PFKFB3: variants seen among roughly 807,000 people sequenced by gnomAD.
PFKFB3 encodes 6-phosphofructo-2-kinase/fructose-2,6-biphosphatase 3.
Under a neutral mutation model 68.0 loss-of-function variants are expected in PFKFB3, and 33 were observed. That is an observed-to-expected ratio of 0.49 (90% CI 0.37 to 0.65). PFKFB3 has a LOEUF of 0.65. Among genes scored for constraint, PFKFB3 ranks in the 30% least tolerant of loss-of-function variants. The pLI, the probability that PFKFB3 is intolerant of heterozygous loss-of-function variation, is 0.00. For synonymous variants in PFKFB3, 315 were observed against 288.2 expected, an observed-to-expected ratio of 1.09 and a Z score of -0.94; for missense variants, 586 against 712.2, an observed-to-expected ratio of 0.82 and a Z score of 2.02.
At chr10:6,294,379 A>G in the PFKFB3 span, 141 of 320,426 alleles carry the variant, frequency 4.4e-4, no homozygotes, top group Admixed American at 9.0e-4. Context: ...CCTCACAGTC[A>G]TGGTGGAAGG....
chr10:6,186,951 C>T (rs1037988567), intron 1 of PFKFB3, among the ~76,000 whole-genome samples: 1 of 152,178 alleles, frequency 6.6e-6, no homozygotes, highest in African/African-American at 2.4e-5. Context: ...GGCAGTTGCC[C>T]AGCTCAGAGG....
intron 1 of PFKFB3, among the ~76,000 whole-genome samples, chr10:6,180,102 G>A (rs1189263554): frequency 6.6e-6 from 1 of 152,138 alleles, no homozygotes; most frequent in Non-Finnish European, 1.5e-5. Context: ...CAGCACTTTG[G>A]GAGGCCAAGG....
chr10:6,254,808 CTTT>C (rs144888417), downstream of PFKFB3, among the ~76,000 whole-genome samples: 2 of 61,636 alleles, frequency 3.2e-5, no homozygotes, highest in South Asian at 6.1e-4. Flanking sequence ...TTTTTCTGTT[CTTT>C]TTTTTTTTTT....
At chr10:6,208,379 T>TTTTTTTTTTTTTTTTTTTTG (rs1843937553) in intron 1 of PFKFB3, among the ~76,000 whole-genome samples, 1 of 139,350 alleles carries the variant, frequency 7.2e-6, no homozygotes. Flanking sequence ...GCCTTTTTTT[T>TTTTTTTTTTTTTTTTTTTTG]TTTTTTTTTT....
Position 6,180,556 on chromosome 10 carries a change from C to T in PFKFB3, c.17-33067C>T, listed in dbSNP as rs144642036. On this transcript the variant is annotated intron_variant, in intron 1 of 14. Transcript: ENST00000379789. ...CGTGGCTCACTGCAGCCTCAAACTC[C>T]TGGGCTCAAACAATCCTCTTGTGTC... 1.9e-3 allele frequency among the ~76,000 whole-genome samples: 283 copies of T among 152,274 alleles called. 2 individuals are homozygous for T. In the Middle Eastern group the frequency reaches 0.044, roughly 24 times the overall value.
At chr10:6,241,358 A>T (rs1846137153) in intron 14 of PFKFB3, among the ~76,000 whole-genome samples, 1 of 152,058 alleles carries the variant, frequency 6.6e-6, no homozygotes, top group Non-Finnish European at 1.5e-5. Context: ...CCTTCTGGGG[A>T]TGTTAACTTT....
intron 1 of PFKFB3, among the ~76,000 whole-genome samples, chr10:6,188,986 C>T (rs1842951946): frequency 1.3e-5 from 2 of 152,176 alleles, no homozygotes; most frequent in South Asian, 4.2e-4. Flanking sequence ...AGGCGCCCGC[C>T]ACCTTGCCCG....
chr10:6,276,535 T>C, the PFKFB3 span, among the ~76,000 whole-genome samples: 14 of 152,234 alleles, frequency 9.2e-5, no homozygotes, highest in Non-Finnish European at 1.8e-4. Context: ...ATAACTCCAA[T>C]TTGGGGTCGG....
the PFKFB3 span, among the ~76,000 whole-genome samples, chr10:6,262,378 CT>C: frequency 0.63 from 85,786 of 135,298 alleles, 25,774 homozygotes; most frequent in Non-Finnish European, 0.71. Context: ...GGCGTGAACC[CT>C]GGGGGGCGGA....
In PFKFB3 at chr10:6,233,034, T is replaced by C. The variant is rs561001045; in HGVS notation, c.*92T>C. 10 of 997,494 alleles carry C rather than the reference T, an allele frequency of 1.0e-5. No homozygotes were observed. The highest frequency in any genetic ancestry group is 3.4e-5 in the Admixed American group (2 of 58,426). 61.8% of individuals were successfully genotyped at this position (997,494 alleles called of 1,614,324 possible). A position where few individuals can be genotyped will look rare whatever the true frequency, so the allele number is the denominator to read the frequency against. ...AGGCAAAACGTATCCTGAGGACTTCTTCCGGAGAGGGTGGGGTGGAGCAGC... is the reference window on the plus strand; with the variant it reads ...AGGCAAAACGTATCCTGAGGACTTCCTCCGGAGAGGGTGGGGTGGAGCAGC... On this transcript the variant is annotated 3_prime_UTR_variant, in exon 15 of 15. Coordinates refer to ENST00000379775, the MANE Select transcript of PFKFB3 (RefSeq NM_004566.4).
In PFKFB3 at chr10:6,221,713, G is replaced by C; in HGVS notation, c.1051G>C (p.Asp351His). 1.2e-6 allele frequency: 2 copies of C among 1,607,616 alleles called. No homozygotes were observed. Among genetic ancestry groups the C allele is most frequent in the Non-Finnish European group, 1.7e-6 (2 of 1,177,838 alleles). ...TGAGGAGTATGCGCTGCGGGAGCAG[G>C]ACAAGTACTATTACCGCTACCCCAC... Reference protein sequence around the residue: ...YPEEYALREQDKYYYRYPTGE... With the variant: ...YPEEYALREQHKYYYRYPTGE... Residue 351 changes from aspartate (D) to histidine (H), a missense_variant, in exon 10 of 15, where the codon GAC (aspartate) becomes CAC (histidine). Asp to His is a moderately conservative substitution (Grantham distance 81). Coordinates refer to ENST00000379775, the MANE Select transcript of PFKFB3 (RefSeq NM_004566.4).
chr10:6,201,754 T>C (rs1843368512), upstream of PFKFB3, among the ~76,000 whole-genome samples: 1 of 151,672 alleles, frequency 6.6e-6, no homozygotes, highest in Non-Finnish European at 1.5e-5. The surrounding 1 kb of genome is among the most constrained non-coding windows in gnomAD (Gnocchi z 4.1). Flanking sequence ...AGTGTGCACC[T>C]CTCTGCAAGG....
chr10:6,179,754 G>GC lies in PFKFB3; in HGVS notation c.17-33868dup, dbSNP rs35125278. Among the ~76,000 whole-genome samples the GC allele has an allele frequency of 1.4e-4, 21 of 151,476 alleles. No homozygotes were observed. In the East Asian group the frequency reaches 4.1e-3, roughly 29 times the overall value. ...GAAGGGGACCCTGTTTTCTGAGCAT[G>GC]CAGACGCCAGGATTATAGGACATTC... On this transcript the variant is annotated intron_variant, in intron 1 of 14. Transcript: ENST00000379789.
rs1049277225 is a variant in PFKFB3 at position 6,220,177 on chromosome 10, C to T, written c.624-481C>T. On this transcript the variant is annotated intron_variant, in intron 7 of 14. Coordinates refer to ENST00000379775, the MANE Select transcript of PFKFB3 (RefSeq NM_004566.4). The surrounding 1 kb of genome is among the most constrained non-coding windows in gnomAD (Gnocchi z 4.1). ...AGTGCAGTGGCATGATCATAGCTCACTGCAGGTTCAAACTTCTGGGCTCAA... is the reference window on the plus strand; with the variant it reads ...AGTGCAGTGGCATGATCATAGCTCATTGCAGGTTCAAACTTCTGGGCTCAA... Among the ~76,000 whole-genome samples, 5 of 151,886 alleles carry T rather than the reference C, an allele frequency of 3.3e-5. No individual in the cohort carries two copies. The highest frequency in any genetic ancestry group is 7.4e-5 in the Non-Finnish European group (5 of 68,020).
chr10:6,218,639 G>C (rs936495124), intron 6 of PFKFB3, among the ~76,000 whole-genome samples: 26 of 152,036 alleles, frequency 1.7e-4, no homozygotes, highest in Admixed American at 5.9e-4. Flanking sequence ...CACTGTGTTG[G>C]CCAGGCTGGT....
chr10:6,232,904 G>GCA lies in PFKFB3; in HGVS notation c.1525_1526insCA (p.Gly509AlafsTer134), dbSNP rs1201247342. 6.2e-7 allele frequency: 1 copy of GCA among 1,613,208 alleles called. No homozygotes were observed. Among genetic ancestry groups the GCA allele is most frequent in the Admixed American group, 1.7e-5 (1 of 60,000 alleles). On this transcript the variant is annotated frameshift_variant, in exon 15 of 15. Coordinates refer to ENST00000379775, the MANE Select transcript of PFKFB3 (RefSeq NM_004566.4). LOFTEE classifies it high-confidence loss of function. ...TTTCTCCTGAAAACAGAACATGAAAGGCTCCCGGAGCAGCGCTGACTCCTC... is the reference window on the plus strand; with the variant it reads ...TTTCTCCTGAAAACAGAACATGAAAGCAGCTCCCGGAGCAGCGCTGACTCCTC...
chr10:6,253,990 G>T (rs1846440250), intron 14 of PFKFB3, among the ~76,000 whole-genome samples: 1 of 152,054 alleles, frequency 6.6e-6, no homozygotes, highest in South Asian at 2.1e-4. Context: ...GTTGCAGTGA[G>T]CCGAGATCGT....
chr10:6,213,268 T>C (rs1046754365), intron 1 of PFKFB3, among the ~76,000 whole-genome samples: 41 of 152,248 alleles, frequency 2.7e-4, no homozygotes, highest in African/African-American at 9.4e-4. Flanking sequence ...GTGTGGTAGC[T>C]ATGCCTGTAA....
the PFKFB3 span, among the ~76,000 whole-genome samples, chr10:6,288,767 C>A: frequency 6.6e-6 from 1 of 152,126 alleles, no homozygotes; most frequent in Non-Finnish European, 1.5e-5. Context: ...TAGATCCTTG[C>A]AGAATCGCCA....
Sources: allele counts gnomAD v4.1 joint callset (sites outside exome capture counted in the v4.1 genomes callset), GRCh38; gene constraint gnomAD v4.1.1; non-coding constraint Gnocchi (gnomAD v3.1); transcripts MANE v1.5; gene names NCBI Gene and HGNC (gene_info 2026-07-23, HGNC 2026-07-21).